NRP1: variants seen among roughly 807,000 people sequenced by gnomAD.
NRP1 encodes neuropilin-1.
NRP1 carries 35 observed loss-of-function variants against 106.7 expected under a neutral mutation model. The observed-to-expected ratio is 0.33, with a 90% CI of 0.25 to 0.43. NRP1 has a LOEUF of 0.43. Ranked by LOEUF, NRP1 falls within the 20% of genes least tolerant of loss-of-function variation. The pLI, the probability that NRP1 is intolerant of heterozygous loss-of-function variation, is 1.00. For missense variants in NRP1, 1,024 were observed against 1,170.4 expected (o/e 0.87, Z 1.83); for synonymous variants, 437 against 417.9 (o/e 1.05, Z -0.56).
chr10:33,229,337 T>C (rs1054716519), intron 6 of NRP1, among the ~76,000 whole-genome samples: 2 of 152,216 alleles, frequency 1.3e-5, no homozygotes, highest in Non-Finnish European at 2.9e-5. Context: ...AAATGGTTGC[T>C]CTGAACAATG....
At chr10:33,203,055 G>A in intron 10 of NRP1, 60 bp from the exon 11 acceptor site, 1 of 1,532,444 alleles carries the variant, frequency 6.5e-7, no homozygotes, top group Non-Finnish European at 8.8e-7. Context: ...CAAGCCTCTG[G>A]CTGTTGGATC....
rs768670763 is a variant in NRP1 at position 33,213,370 on chromosome 10, A to T, written c.1614+16T>A. ...AGGACATAAGGGATGACCTCCTCCC[A>T]GTCCCCAGCCCTCACCTTCGCCTTG... On this transcript the variant is annotated intron_variant, in intron 9 of 16. Coordinates refer to ENST00000374867, the MANE Select transcript of NRP1 (RefSeq NM_003873.7). 130 of 1,614,062 alleles carry T rather than the reference A, an allele frequency of 8.1e-5. 1 individual carries two copies. The highest frequency in any genetic ancestry group is 1.6e-4 in the Middle Eastern group (1 of 6,062).
intron 1 of NRP1, among the ~76,000 whole-genome samples, chr10:33,331,887 A>C (rs193287741): frequency 2.5e-3 from 382 of 152,354 alleles, no homozygotes; most frequent in African/African-American, 9.0e-3. Context: ...CATAAACTAT[A>C]TAAGAGAAAC....
chr10:33,250,094 A>T (rs1841739946), intron 6 of NRP1, among the ~76,000 whole-genome samples: 1 of 152,216 alleles, frequency 6.6e-6, no homozygotes, highest in South Asian at 2.1e-4. Flanking sequence ...AAGCTGAAAA[A>T]GAAAACAAAT....
At chr10:33,272,497 G>A (rs1190467016) in intron 2 of NRP1, among the ~76,000 whole-genome samples, 1 of 152,096 alleles carries the variant, frequency 6.6e-6, no homozygotes, top group African/African-American at 2.4e-5. Context: ...GAAGGAGGAG[G>A]AGGAGAAAGA....
chr10:33,221,970 C>A, intron 7 of NRP1, 107 bp from the exon 8 acceptor site: 1 of 1,253,138 alleles, frequency 8.0e-7, no homozygotes. Flanking sequence ...TCAGTGTTGT[C>A]GATCAAGGAT....
chr10:33,271,272 C>T (rs934216627), intron 2 of NRP1, among the ~76,000 whole-genome samples: 1 of 152,162 alleles, frequency 6.6e-6, no homozygotes, highest in Admixed American at 6.5e-5. Context: ...CAAAATGTCT[C>T]CTTGGCTGGA....
chr10:33,304,061 A>C (rs1339570282), intron 2 of NRP1, among the ~76,000 whole-genome samples: 12 of 152,250 alleles, frequency 7.9e-5, no homozygotes, highest in Non-Finnish European at 1.8e-4. Context: ...CACATGAAGC[A>C]GCAAGTATTT....
At chr10:33,207,055 A>G (rs2474714) in intron 10 of NRP1, among the ~76,000 whole-genome samples, 65,913 of 152,010 alleles carry the variant, frequency 0.43, 14,820 homozygotes, top group East Asian at 0.74. Flanking sequence ...CTATGTGCTG[A>G]TAATCGACAC....
At chr10:33,325,994 T>C (rs1477623118) in intron 2 of NRP1, among the ~76,000 whole-genome samples, 2 of 152,226 alleles carry the variant, frequency 1.3e-5, no homozygotes, top group African/African-American at 4.8e-5. Context: ...ACCACCTTTT[T>C]AGACTTTTGT....
chr10:33,211,449 C>A (rs558177540), intron 9 of NRP1: 3 of 152,174 alleles, frequency 2.0e-5, no homozygotes, highest in Non-Finnish European at 2.9e-5. Context: ...TCCCCCCAAA[C>A]AAGGCACAAA....
Position 33,257,812 on chromosome 10 carries a change from A to C in NRP1, c.659-1341T>G, listed in dbSNP as rs562849395. Among the ~76,000 whole-genome samples, 70 of 152,192 alleles carry C rather than the reference A, an allele frequency of 4.6e-4. 1 individual carries two copies. Among genetic ancestry groups the C allele is most frequent in the African/African-American group, 1.6e-3 (67 of 41,516 alleles). On this transcript the variant is annotated intron_variant, in intron 4 of 16. Coordinates refer to ENST00000374867, the MANE Select transcript of NRP1 (RefSeq NM_003873.7). ...ATCATCGACAAGCCACACATAAAAA[A>C]GTCCCTTTTTTTTTTCTCTAGGTTT...
chr10:33,270,598 A>T, intron 3 of NRP1, 77 bp downstream of exon 3: 1 of 1,307,430 alleles, frequency 7.6e-7, no homozygotes, highest in East Asian at 2.5e-5. Context: ...AAGTGCTGAG[A>T]TTACAGGGGT....
At chr10:33,329,631 A>G (rs1020251415) in intron 2 of NRP1, among the ~76,000 whole-genome samples, 4 of 152,114 alleles carry the variant, frequency 2.6e-5, no homozygotes, top group Non-Finnish European at 4.4e-5. Context: ...ACTTGTGAAA[A>G]CCTCTCAGTC....
In NRP1 at chr10:33,334,601, G is replaced by T. The variant is rs1008810045; in HGVS notation, c.-219C>A. On this transcript the variant is annotated 5_prime_UTR_variant, in exon 1 of 17. Coordinates refer to ENST00000374867, the MANE Select transcript of NRP1 (RefSeq NM_003873.7). ...CAAGTCGCCTGCATCCTGTCATTTA[G>T]CTCCGGCTTCCTCTCCCTTTTCCCA... The T allele has an allele frequency of 2.5e-5, 8 of 321,446 alleles. No individual in the cohort carries two copies. Among genetic ancestry groups the T allele is most frequent in the Non-Finnish European group, 4.5e-5 (8 of 178,234 alleles). 19.9% of individuals were successfully genotyped at this position (321,446 alleles called of 1,614,324 possible). A position where few individuals can be genotyped will look rare whatever the true frequency, so the allele number is the denominator to read the frequency against.
chr10:33,268,776 A>C (rs1200826781), intron 3 of NRP1, among the ~76,000 whole-genome samples: 1 of 152,192 alleles, frequency 6.6e-6, no homozygotes, highest in Non-Finnish European at 1.5e-5. Context: ...CTTCTATAAC[A>C]AGTCAAACAG....
chr10:33,193,979 T>C (rs1836595535), intron 12 of NRP1, among the ~76,000 whole-genome samples: 1 of 152,168 alleles, frequency 6.6e-6, no homozygotes, highest in Non-Finnish European at 1.5e-5. Context: ...GTAAGCTATG[T>C]GATGTGTAAA....
intron 15 of NRP1, among the ~76,000 whole-genome samples, chr10:33,184,991 C>T (rs1835909589): frequency 6.6e-6 from 1 of 152,116 alleles, no homozygotes; most frequent in Admixed American, 6.6e-5. Context: ...ATTAGTAATG[C>T]TATTTGTAAT....
At chr10:33,320,256 T>G (rs1389041113) in intron 2 of NRP1, among the ~76,000 whole-genome samples, 1 of 148,792 alleles carries the variant, frequency 6.7e-6, no homozygotes, top group Admixed American at 6.8e-5. Context: ...GAGGTTGCAG[T>G]GAGCCGACTT....
Sources: gnomAD v4.1 joint callset for allele counts (sites outside exome capture counted in the v4.1 genomes callset) on GRCh38, gnomAD v4.1.1 for gene constraint, MANE v1.5 for transcripts, NCBI Gene and HGNC (gene_info 2026-07-23, HGNC 2026-07-21) for gene names.